TFPI: variants seen among roughly 807,000 people sequenced by gnomAD.
The protein encoded by TFPI is anti-convertin.
A neutral mutation model predicts 34.6 loss-of-function variants in TFPI; 15 were observed. That is an observed-to-expected ratio of 0.43 (90% CI 0.29 to 0.67). TFPI has a LOEUF of 0.67. TFPI is among the 30% of genes least tolerant of loss of function. TFPI has a pLI of 0.15. For missense variants in TFPI, 301 were observed against 364.0 expected, an observed-to-expected ratio of 0.83 and a Z score of 1.41; for synonymous variants, 105 against 120.1, an observed-to-expected ratio of 0.87 and a Z score of 0.82.
chr2:187,553,903 TCTTCAAATTATAAAAAA>T (rs1689181706), intron 1 of TFPI, among the ~76,000 whole-genome samples: 1 of 152,136 alleles, frequency 6.6e-6, no homozygotes, highest in Non-Finnish European at 1.5e-5. Flanking sequence ...TCTACTACAA[TCTTCAAATTATAAAAAA>T]GCTACATACA....
chr2:187,474,965 A>G (rs947574293), intron 6 of TFPI, among the ~76,000 whole-genome samples: 3 of 152,164 alleles, frequency 2.0e-5, no homozygotes, highest in Non-Finnish European at 4.4e-5. Flanking sequence ...GAATATTTTA[A>G]TTATGACATT....
At chr2:187,505,509 C>T (rs144791361) in intron 1 of TFPI, among the ~76,000 whole-genome samples, 18 of 152,270 alleles carry the variant, frequency 1.2e-4, no homozygotes, top group African/African-American at 4.3e-4. Context: ...AGGTATTTCT[C>T]ATTGTGGCTA....
chr2:187,539,896 CTTCT>C (rs1378760717), intron 1 of TFPI, among the ~76,000 whole-genome samples: 1 of 149,564 alleles, frequency 6.7e-6, no homozygotes, highest in African/African-American at 2.5e-5. Context: ...ATTACGTCAT[CTTCT>C]TTTTTTTTTT....
intron 3 of TFPI, among the ~76,000 whole-genome samples, chr2:187,494,734 C>CT (rs980839915): frequency 1.5e-4 from 23 of 151,214 alleles, no homozygotes; most frequent in Non-Finnish European, 2.8e-4. Flanking sequence ...AGTGACTTTT[C>CT]TTTTTTTTTC....
intron 1 of TFPI, among the ~76,000 whole-genome samples, chr2:187,550,289 G>A (rs1013927521): frequency 1.1e-4 from 17 of 152,012 alleles, no homozygotes; most frequent in African/African-American, 4.1e-4. Flanking sequence ...TGTAAAGCAG[G>A]GAATATTTTT....
chr2:187,484,771 G>A, intron 5 of TFPI, 40 bp downstream of exon 5: 1 of 1,530,580 alleles, frequency 6.5e-7, no homozygotes, highest in Admixed American at 2.3e-5. Flanking sequence ...TTAAAAGGAT[G>A]CCTATAAATG....
chr2:187,500,095 C>A (rs544552744), intron 2 of TFPI, among the ~76,000 whole-genome samples: 5 of 152,186 alleles, frequency 3.3e-5, no homozygotes, highest in South Asian at 4.1e-4. Flanking sequence ...GATATAATCA[C>A]CTCTAGTTCA....
intron 1 of TFPI, among the ~76,000 whole-genome samples, chr2:187,511,968 C>T (rs1559133640): frequency 6.6e-6 from 1 of 152,040 alleles, no homozygotes; most frequent in Non-Finnish European, 1.5e-5. Context: ...ACAGTGTACC[C>T]TATTCCTTTA....
intron 6 of TFPI, among the ~76,000 whole-genome samples, chr2:187,471,428 A>G (rs550699302): frequency 1.3e-5 from 2 of 152,168 alleles, no homozygotes; most frequent in Non-Finnish European, 2.9e-5. Flanking sequence ...AGAATTTGCT[A>G]TCTACAATGA....
At chr2:187,541,621 T>C (rs996214808) in intron 1 of TFPI, among the ~76,000 whole-genome samples, 8 of 152,016 alleles carry the variant, frequency 5.3e-5, no homozygotes, top group Admixed American at 5.2e-4. Flanking sequence ...TTTCGTGGGG[T>C]GAATGAGATC....
chr2:187,522,979 CTAT>C (rs1419540224), intron 1 of TFPI, among the ~76,000 whole-genome samples: 1 of 151,564 alleles, frequency 6.6e-6, no homozygotes, highest in Non-Finnish European at 1.5e-5. Context: ...TTGAATATGT[CTAT>C]TATTTTGATT....
At chr2:187,533,206 G>A (rs1391951601) in intron 1 of TFPI, among the ~76,000 whole-genome samples, 1 of 152,162 alleles carries the variant, frequency 6.6e-6, no homozygotes, top group Non-Finnish European at 1.5e-5. Context: ...CACAGTGTTC[G>A]AGCTCTGCTA....
At chr2:187,541,602 C>T (rs945347698) in intron 1 of TFPI, among the ~76,000 whole-genome samples, 5 of 152,104 alleles carry the variant, frequency 3.3e-5, no homozygotes, top group African/African-American at 7.2e-5. Flanking sequence ...AGGAGACAAA[C>T]GATCATTGTT....
chr2:187,516,093 A>G (rs1424747854), intron 1 of TFPI: 1 of 152,240 alleles, frequency 6.6e-6, no homozygotes, highest in African/African-American at 2.4e-5. Context: ...CTTAAAAATA[A>G]TAACTAATAA....
At chr2:187,520,929 A>C (rs1035508198) in intron 1 of TFPI, among the ~76,000 whole-genome samples, 2 of 152,072 alleles carry the variant, frequency 1.3e-5, no homozygotes, top group Admixed American at 6.5e-5. Flanking sequence ...CATCAATATG[A>C]GTTTTTAATT....
intron 1 of TFPI, among the ~76,000 whole-genome samples, chr2:187,549,627 C>G (rs2106332682): frequency 6.6e-6 from 1 of 152,148 alleles, no homozygotes; most frequent in African/African-American, 2.4e-5. Flanking sequence ...TTTCTAGAAA[C>G]AGTGATCTTA....
intron 6 of TFPI, among the ~76,000 whole-genome samples, chr2:187,472,338 A>G (rs1418987239): frequency 6.6e-6 from 1 of 152,196 alleles, no homozygotes; most frequent in Non-Finnish European, 1.5e-5. Flanking sequence ...AGTACCAGAC[A>G]GTGGCTCATG....
At chr2:187,538,498 C>T (rs1270673365) in intron 1 of TFPI, among the ~76,000 whole-genome samples, 1 of 152,208 alleles carries the variant, frequency 6.6e-6, no homozygotes, top group African/African-American at 2.4e-5. Context: ...GAAAACCAAA[C>T]ACTGCATGTT....
intron 6 of TFPI, among the ~76,000 whole-genome samples, chr2:187,468,792 G>A (rs1691864893): frequency 6.6e-6 from 1 of 151,294 alleles, no homozygotes; most frequent in Admixed American, 6.6e-5. Flanking sequence ...AGTACTCTTC[G>A]GTAGCACAGC....
Sources: gnomAD v4.1 joint callset for allele counts (sites outside exome capture counted in the v4.1 genomes callset) on GRCh38, gnomAD v4.1.1 for gene constraint, MANE v1.5 for transcripts, NCBI Gene and HGNC (gene_info 2026-07-23, HGNC 2026-07-21) for gene names.